The following PLCB3 variants were observed in gnomAD, a reference collection of about 807,000 sequenced individuals.
PLCB3 encodes 1-phosphatidylinositol 4,5-bisphosphate phosphodiesterase beta-3.
In PLCB3, 54 loss-of-function variants were observed where a neutral mutation model predicts 152.1. The ratio of observed to expected loss-of-function variants is 0.36; its 90% CI spans 0.29 to 0.45. PLCB3 has a LOEUF of 0.45. PLCB3 is among the 20% of genes least tolerant of loss of function. The pLI, the probability that PLCB3 is intolerant of heterozygous loss-of-function variation, is 1.00. For missense variants in PLCB3, 1,248 were observed against 1,687.5 expected (o/e 0.74, Z 4.56); for synonymous variants, 717 against 698.7 (o/e 1.03, Z -0.41).
chr11:64,264,205 C>A, intron 22 of PLCB3, 93 bp downstream of exon 22: 1 of 793,940 alleles, frequency 1.3e-6, no homozygotes, highest in Non-Finnish European at 1.9e-6. Context: ...GGCTTCTGGT[C>A]TCTCTAGCGC....
intron 13 of PLCB3, 21 bp from the exon 14 acceptor site, chr11:64,260,008 C>T (rs762965738): frequency 6.9e-6 from 11 of 1,603,830 alleles, no homozygotes; most frequent in South Asian, 3.3e-5. Context: ...ACCCCTCACC[C>T]TGTGGCCCTG....
In PLCB3 at chr11:64,265,395, G is replaced by C; in HGVS notation, c.2928G>C (p.Glu976Asp). 1.2e-6 allele frequency: 2 copies of C among 1,612,558 alleles called. No homozygotes were observed. The highest frequency in any genetic ancestry group is 2.2e-5 in the South Asian group (2 of 91,062). The stretch of plus-strand genomic sequence containing the variant: ...GCCGGCAAGAGCGAGACCTGCGGGA[G>C]CTGCGCAAGAAGCATCAGCGGAAGG... ...LRSRQERDLR[E>D]LRKKHQRKAV... The change falls in exon 25 of 31, where the codon GAG (glutamate) becomes GAC (aspartate). Residue 976 changes from glutamate to aspartate, a missense_variant. Around this residue, in one of 6 missense-constraint regions of PLCB3, gnomAD observed 477 missense variants for 489.6 expected, o/e 0.97. Coordinates refer to ENST00000279230, the MANE Select transcript of PLCB3 (RefSeq NM_000932.5).
intron 25 of PLCB3, 100 bp from the exon 26 acceptor site, chr11:64,265,786 G>A (rs1591116213): frequency 2.1e-6 from 3 of 1,441,110 alleles, no homozygotes; most frequent in South Asian, 2.7e-5. Context: ...CCATGGGATG[G>A]TGTCTGCCAT....
chr11:64,252,018 T>C (rs2031234206), intron 1 of PLCB3, among the ~76,000 whole-genome samples: 1 of 151,828 alleles, frequency 6.6e-6, no homozygotes, highest in Admixed American at 6.6e-5. Flanking sequence ...CGTTTTCCAT[T>C]CGTTCTTCCC....
In PLCB3 at chr11:64,255,833, C is replaced by T. The variant is rs760889714; in HGVS notation, c.698+12C>T. The T allele has an allele frequency of 1.8e-5, 29 of 1,573,206 alleles. No homozygotes were observed. Among genetic ancestry groups the T allele is most frequent in the African/African-American group, 5.4e-5 (4 of 74,234 alleles). ...ATCCTGCTGGAGATGTGAGTGGGCC[C>T]GGCCTGCCTCACAACCCCTGTGCTC... is the stretch of plus-strand genomic sequence containing the variant. On this transcript the variant is annotated intron_variant, in intron 8 of 30. Transcript: ENST00000279230. The surrounding 1 kb of genome is among the most constrained non-coding windows in gnomAD (Gnocchi z 6.8).
At chr11:64,260,325 C>T (rs1565334217) in intron 14 of PLCB3, 91 bp downstream of exon 14, 1 of 874,192 alleles carries the variant, frequency 1.1e-6, no homozygotes, top group Middle Eastern at 2.2e-4. Context: ...TGACATCACC[C>T]CTGCCTCCTG....
At chr11:64,262,173 T>C in intron 17 of PLCB3, 97 bp downstream of exon 17, 1 of 1,538,760 alleles carries the variant, frequency 6.5e-7, no homozygotes, top group South Asian at 1.1e-5. Flanking sequence ...CCTCTGACCC[T>C]GTCTCATCCC....
At chr11:64,254,361 G>C (rs2031398815) in intron 1 of PLCB3, 54 bp from the exon 2 acceptor site, 1 of 1,458,658 alleles carries the variant, frequency 6.9e-7, no homozygotes, top group Non-Finnish European at 9.6e-7. Context: ...CCAGGGGCCA[G>C]GCCTGCACCA....
In PLCB3 at chr11:64,254,090, A is replaced by G. The variant is rs140298001; in HGVS notation, c.100-325A>G. Among the ~76,000 whole-genome samples the G allele has an allele frequency of 2.0e-5, 3 of 152,178 alleles. No individual in the cohort carries two copies. In the East Asian group the frequency reaches 5.8e-4, roughly 29 times the overall value. ...GGACCTCTTCCAGGGGGTGGGTCAG[A>G]TTTCACGGGTGGAGAAGGAAGGGCA... On this transcript the variant is annotated intron_variant, in intron 1 of 30. Transcript: ENST00000279230.
Position 64,257,016 on chromosome 11 carries a change from T to TTTTTTTTTTTTTTTTTTTTTTTC in PLCB3, c.1012+257_1012+258insTTTTTTTTTTTTTTTTTCTTTTT, listed in dbSNP as rs771872374. Among the ~76,000 whole-genome samples the TTTTTTTTTTTTTTTTTTTTTTTC allele has an allele frequency of 2.4e-3, 286 of 120,556 alleles. 17 individuals carry two copies. The highest frequency in any genetic ancestry group is 0.014 in the Admixed American group (144 of 10,276). The allele number at this position is 120,556 out of a possible 152,430, so 79.1% of individuals were successfully genotyped here. On this transcript the variant is annotated intron_variant, in intron 10 of 30. Coordinates refer to ENST00000279230, the MANE Select transcript of PLCB3 (RefSeq NM_000932.5). Reference sequence around the variant, plus strand: ...AGGGTCCTTTTTTTTTTTTTTTTTTTTTTTTGAGACAGAGTTTCGCTCTTG... The same window carrying TTTTTTTTTTTTTTTTTTTTTTTC: ...AGGGTCCTTTTTTTTTTTTTTTTTTTTTTTTTTTTTTTTTTTTTTTTTCTTTTTGAGACAGAGTTTCGCTCTTG...
chr11:64,261,290 T>C (rs1477365656), intron 14 of PLCB3, 110 bp from the exon 15 acceptor site: 10 of 798,478 alleles, frequency 1.3e-5, no homozygotes, highest in East Asian at 2.5e-5. Context: ...CCACCAGCAG[T>C]GTGTATATAG....
chr11:64,257,763 TG>T (rs1321651055), intron 10 of PLCB3, among the ~76,000 whole-genome samples: 3 of 152,072 alleles, frequency 2.0e-5, no homozygotes, highest in Non-Finnish European at 4.4e-5. Flanking sequence ...GGATTCATCC[TG>T]GGTGTGAGGA....
At position 64,267,259 on chromosome 11, in the gene PLCB3, AGAG is replaced by A; in HGVS notation, c.3493_3495del (p.Glu1165del). 6.4e-7 allele frequency: 1 copy of A among 1,550,966 alleles called. No individual in the cohort carries two copies. ...AGCAGGTCCTGCAACAGCTGGCAGA[AGAG>A]GAGCCCAAGGTGAGGCCATGGGCGA... On this transcript the variant is annotated inframe_deletion, in exon 30 of 31. Transcript: ENST00000279230. This position sits in a 1 kb window ranked among gnomAD's most constrained non-coding sequence, Gnocchi z 5.2.
intron 1 of PLCB3, among the ~76,000 whole-genome samples, chr11:64,253,610 G>A (rs531143011): frequency 1.3e-5 from 2 of 152,328 alleles, no homozygotes; most frequent in African/African-American, 4.8e-5. Context: ...TCTGGCCCTG[G>A]CCGAGTCTAA....
chr11:64,254,641 G>A, intron 2 of PLCB3, 107 bp from the exon 3 acceptor site: 2 of 1,396,860 alleles, frequency 1.4e-6, no homozygotes, highest in Non-Finnish European at 2.0e-6. Flanking sequence ...TGAGGCTGGG[G>A]CTATAGCCAG....
rs551074298 is a variant in PLCB3, at chr11:64,255,668, C to A, written c.597+52C>A. 4.5e-5 allele frequency: 73 copies of A among 1,607,226 alleles called. No homozygotes were observed. The highest frequency in any genetic ancestry group is 6.0e-5 in the Non-Finnish European group (70 of 1,175,026). ...GTGGGGTGTCACGGTGGGCACCCAC[C>A]CTTACGGGGCTGCCCGCCCCTGGCT... On this transcript the variant is annotated intron_variant, in intron 7 of 30. Coordinates refer to ENST00000279230, the MANE Select transcript of PLCB3 (RefSeq NM_000932.5). The surrounding 1 kb of genome is among the most constrained non-coding windows in gnomAD (Gnocchi z 6.8).
Position 64,267,447 on chromosome 11 carries a change from TG to T in PLCB3, c.3601del (p.Asp1201ThrfsTer65). ...CTGCTGGGCGAGATGCCGGAGGGGCTGGGGGACGGGCCTCTGGTGGCCTGTG... is the reference window on the plus strand; with the variant it reads ...CTGCTGGGCGAGATGCCGGAGGGGCTGGGGACGGGCCTCTGGTGGCCTGTG... ...RSLLGEMPEG[L>X]GDGPLVACAS... is the part of the protein sequence containing the mutation. On this transcript the variant is annotated frameshift_variant, in exon 31 of 31. Coordinates refer to ENST00000279230, the MANE Select transcript of PLCB3 (RefSeq NM_000932.5). LOFTEE classifies it high-confidence loss of function. This position sits in a 1 kb window ranked among gnomAD's most constrained non-coding sequence, Gnocchi z 5.2. The T allele has an allele frequency of 6.4e-7, 1 of 1,553,138 alleles. No homozygotes were observed. The highest frequency in any genetic ancestry group is 8.7e-7 in the Non-Finnish European group (1 of 1,151,992).
intron 1 of PLCB3, among the ~76,000 whole-genome samples, chr11:64,252,794 A>T (rs981905937): frequency 7.2e-6 from 1 of 139,426 alleles, no homozygotes; most frequent in Admixed American, 7.1e-5. Context: ...AAGTGGGAAC[A>T]GGGAGAGGGC....
At chr11:64,251,960 T>C (rs778713801) in intron 1 of PLCB3, among the ~76,000 whole-genome samples, 8 of 151,584 alleles carry the variant, frequency 5.3e-5, no homozygotes, top group East Asian at 2.0e-4. Context: ...AAAATTTGCC[T>C]CCACTCCTTG....
Sources: allele counts gnomAD v4.1 joint callset (sites outside exome capture counted in the v4.1 genomes callset), GRCh38; gene constraint gnomAD v4.1.1; regional missense constraint gnomAD v4.1.1; non-coding constraint Gnocchi (gnomAD v3.1); transcripts MANE v1.5; gene names NCBI Gene and HGNC (gene_info 2026-07-23, HGNC 2026-07-21).